The following PITPNB variants were observed in gnomAD, a reference collection of about 807,000 sequenced individuals.
The protein encoded by PITPNB is phosphatidylinositol transfer protein beta.
In PITPNB, 16 loss-of-function variants were observed where a neutral mutation model predicts 45.9. That is an observed-to-expected ratio of 0.35 (90% CI 0.24 to 0.53). PITPNB has a LOEUF of 0.53. Ranked by LOEUF, PITPNB falls within the 20% of genes least tolerant of loss-of-function variation. PITPNB has a pLI of 0.93. For synonymous variants in PITPNB, 112 were observed against 108.9 expected, an observed-to-expected ratio of 1.03 and a Z score of -0.18; for missense variants, 188 against 330.5, an observed-to-expected ratio of 0.57 and a Z score of 3.34.
At chr22:27,915,305 T>C (rs898156737) in intron 1 of PITPNB, among the ~76,000 whole-genome samples, 9 of 152,096 alleles carry the variant, frequency 5.9e-5, no homozygotes, top group Non-Finnish European at 1.3e-4. Flanking sequence ...TCCAATTTCT[T>C]TTCAGCTTAT....
intron 7 of PITPNB, among the ~76,000 whole-genome samples, chr22:27,875,014 G>A (rs1461605014): frequency 1.3e-5 from 2 of 152,170 alleles, no homozygotes; most frequent in Admixed American, 6.5e-5. Context: ...AACAAAACAC[G>A]TTGAGAAGCA....
chr22:27,884,164 G>A (rs1935050363), intron 7 of PITPNB, among the ~76,000 whole-genome samples: 2 of 151,932 alleles, frequency 1.3e-5, no homozygotes, highest in Non-Finnish European at 2.9e-5. Context: ...GGCTGCCTGG[G>A]GCAGGCAGGA....
intron 7 of PITPNB, among the ~76,000 whole-genome samples, chr22:27,885,013 T>C (rs1284473877): frequency 2.6e-5 from 4 of 151,578 alleles, no homozygotes; most frequent in Non-Finnish European, 5.9e-5. Flanking sequence ...ATTTCTTTTT[T>C]TTTTTCTAAA....
At chr22:27,881,399 A>T (rs1934967794) in intron 7 of PITPNB, among the ~76,000 whole-genome samples, 1 of 152,202 alleles carries the variant, frequency 6.6e-6, no homozygotes, top group Non-Finnish European at 1.5e-5. Context: ...ATGCACACAT[A>T]ATAAAGAGTT....
rs970624896 is a variant in PITPNB at position 27,877,779 on chromosome 22, A to G, written c.457-3964T>C. 7.9e-5 allele frequency among the ~76,000 whole-genome samples: 12 copies of G among 152,198 alleles called. No homozygotes were observed. The East Asian group carries it at 1.2e-3, about 15-fold the overall frequency. On this transcript the variant is annotated intron_variant, in intron 7 of 11. Coordinates refer to ENST00000335272, the MANE Select transcript of PITPNB (RefSeq NM_012399.5). Reference sequence around the variant, plus strand: ...AGTAGGAGGTGGGGGGCAGGCTGGTAGGAGTTTCTTGACAGCTTGTGGAAA... The same window carrying G: ...AGTAGGAGGTGGGGGGCAGGCTGGTGGGAGTTTCTTGACAGCTTGTGGAAA...
At chr22:27,855,662 ACCTAAAGTCCT>A (rs1320096830) in intron 10 of PITPNB, among the ~76,000 whole-genome samples, 1 of 152,210 alleles carries the variant, frequency 6.6e-6, no homozygotes, top group African/African-American at 2.4e-5. Flanking sequence ...TAAAATGTTT[ACCTAAAGTCCT>A]CCTTCAGCTG....
chr22:27,863,500 T>A (rs1450573220), intron 8 of PITPNB, among the ~76,000 whole-genome samples: 1 of 152,208 alleles, frequency 6.6e-6, no homozygotes, highest in Non-Finnish European at 1.5e-5. Context: ...ATAGTGAATT[T>A]CCTCTATGAC....
chr22:27,874,641 A>ACT (rs201169284), intron 7 of PITPNB, among the ~76,000 whole-genome samples: 7 of 151,890 alleles, frequency 4.6e-5, no homozygotes, highest in African/African-American at 7.3e-5. Context: ...ACAAACACAC[A>ACT]CTCTCTCTCT....
intron 7 of PITPNB, among the ~76,000 whole-genome samples, chr22:27,893,641 G>A (rs954928671): frequency 6.7e-6 from 1 of 148,954 alleles, no homozygotes; most frequent in South Asian, 2.1e-4. Context: ...CCTGGCTGGG[G>A]TGCAGTGGTA....
At chr22:27,892,665 T>C (rs1331292382) in intron 7 of PITPNB, among the ~76,000 whole-genome samples, 1 of 152,172 alleles carries the variant, frequency 6.6e-6, no homozygotes, top group Non-Finnish European at 1.5e-5. Flanking sequence ...AAATCTTAGC[T>C]GTAAACAATA....
chr22:27,918,642 G>A (rs1437911984), intron 1 of PITPNB, among the ~76,000 whole-genome samples: 1 of 152,202 alleles, frequency 6.6e-6, no homozygotes, highest in East Asian at 1.9e-4. Flanking sequence ...GAGGCTTTCC[G>A]GAATCCCGGC....
chr22:27,904,550 T>C (rs768925587), intron 3 of PITPNB, among the ~76,000 whole-genome samples: 2 of 152,254 alleles, frequency 1.3e-5, no homozygotes, highest in Non-Finnish European at 2.9e-5. Flanking sequence ...TAAGTAACAA[T>C]GGCAGTTGCC....
chr22:27,853,367 T>C lies in PITPNB; in HGVS notation c.*335A>G. On this transcript the variant is annotated 3_prime_UTR_variant, in exon 12 of 12. Transcript: ENST00000335272. ...ATATTGAAAATATTTTCTTTTGCAT[T>C]CTTGCTGAAGATAGGTACAGTACTT... is the stretch of plus-strand genomic sequence containing the variant. 2 of 418,846 alleles carry C rather than the reference T, an allele frequency of 4.8e-6. No individual in the cohort carries two copies. Among genetic ancestry groups the C allele is most frequent in the Middle Eastern group, 6.0e-4 (1 of 1,664 alleles). The allele number at this position is 418,846 out of a possible 1,614,324, so 25.9% of individuals were successfully genotyped here.
rs1019611464 is a variant in PITPNB at position 27,851,875 on chromosome 22, G to A, written c.*1827C>T. 2 of 152,128 alleles carry A rather than the reference G, an allele frequency of 1.3e-5. No homozygotes were observed. Among genetic ancestry groups the A allele is most frequent in the Admixed American group, 1.3e-4 (2 of 15,262 alleles). The allele number at this position is 152,128 out of a possible 1,614,324, so 9.4% of individuals were successfully genotyped here. A position where few individuals can be genotyped will look rare whatever the true frequency, so the allele number is the denominator to read the frequency against. On this transcript the variant is annotated 3_prime_UTR_variant, in exon 12 of 12. Coordinates refer to ENST00000335272, the MANE Select transcript of PITPNB (RefSeq NM_012399.5). ...CTAAGCTCCCAATGATACTACAGAT[G>A]CCAGCGAGAGTTAAGTTCATTAAAA... is the stretch of plus-strand genomic sequence containing the variant.
At chr22:27,897,697 A>G in intron 4 of PITPNB, 104 bp downstream of exon 4, 3 of 786,684 alleles carry the variant, frequency 3.8e-6, no homozygotes, top group South Asian at 1.4e-5. Context: ...CAAGAACCCA[A>G]GGAAGACCTT....
intron 7 of PITPNB, among the ~76,000 whole-genome samples, chr22:27,890,633 C>A (rs1330149207): frequency 6.6e-6 from 1 of 151,616 alleles, no homozygotes; most frequent in Non-Finnish European, 1.5e-5. Flanking sequence ...GCTAACATGG[C>A]GAAACCCTGT....
chr22:27,879,633 T>C (rs1934913006), intron 7 of PITPNB, among the ~76,000 whole-genome samples: 1 of 152,210 alleles, frequency 6.6e-6, no homozygotes, highest in Non-Finnish European at 1.5e-5. Flanking sequence ...ACCAATGAAA[T>C]GAGTTTTAAC....
chr22:27,867,173 T>G (rs1433678727), intron 8 of PITPNB, among the ~76,000 whole-genome samples: 1 of 152,176 alleles, frequency 6.6e-6, no homozygotes, highest in Middle Eastern at 3.2e-3. Context: ...ACCTCCCTGC[T>G]TGGCACTGAC....
Position 27,858,344 on chromosome 22 carries a change from A to G in PITPNB, c.768+43T>C, listed in dbSNP as rs1286250983. On this transcript the variant is annotated intron_variant, in intron 10 of 11. Coordinates refer to ENST00000335272, the MANE Select transcript of PITPNB (RefSeq NM_012399.5). Reference sequence around the variant, plus strand: ...TTACCAAGCATGTATACAGTTTTAGAAAAGGGAAAATTAGAGAATTGCCAT... The same window carrying G: ...TTACCAAGCATGTATACAGTTTTAGGAAAGGGAAAATTAGAGAATTGCCAT... 9.2e-6 allele frequency: 14 copies of G among 1,528,880 alleles called. No individual in the cohort carries two copies. In the Admixed American group the frequency reaches 1.4e-4, roughly 15 times the overall value. The allele number at this position is 1,528,880 out of a possible 1,614,324, so 94.7% of individuals were successfully genotyped here.
Sources: gnomAD v4.1 joint callset for allele counts (sites outside exome capture counted in the v4.1 genomes callset) on GRCh38, gnomAD v4.1.1 for gene constraint, MANE v1.5 for transcripts, NCBI Gene and HGNC (gene_info 2026-07-23, HGNC 2026-07-21) for gene names.